The following RBFOX1 variants were observed in gnomAD, a reference collection of about 807,000 sequenced individuals.
The protein encoded by RBFOX1 is RNA binding fox-1 homolog 1.
Under a neutral mutation model 57.7 loss-of-function variants are expected in RBFOX1, and 8 were observed. The ratio of observed to expected loss-of-function variants is 0.14; its 90% confidence interval spans 0.08 to 0.25. RBFOX1 has a LOEUF of 0.25. RBFOX1 is among the 10% of genes least tolerant of loss of function. The pLI is 1.00. For synonymous variants in RBFOX1, 326 were observed against 222.4 expected, an observed-to-expected ratio of 1.47 and a Z score of -4.15; for missense variants, 611 against 548.5, an observed-to-expected ratio of 1.11 and a Z score of -1.14.
chr16:7,517,144 T>C (rs2076535660), intron 4 of RBFOX1, among the ~76,000 whole-genome samples: 1 of 46,466 alleles, frequency 2.2e-5, no homozygotes, highest in Non-Finnish European at 4.5e-5. Flanking sequence ...ATGCCGTGTG[T>C]GTGTGTGTGT....
intron 1 of RBFOX1, among the ~76,000 whole-genome samples, chr16:6,045,668 A>G (rs372160496): frequency 8.5e-5 from 13 of 152,196 alleles, no homozygotes; most frequent in African/African-American, 2.9e-4. Context: ...AAATAGATTA[A>G]CTCAACTAAA....
chr16:7,463,556 T>C (rs1043129967), intron 4 of RBFOX1, among the ~76,000 whole-genome samples: 2 of 152,194 alleles, frequency 1.3e-5, no homozygotes, highest in Non-Finnish European at 2.9e-5. Flanking sequence ...ACCCTTATGA[T>C]GTAATCACCT....
intron 3 of RBFOX1, among the ~76,000 whole-genome samples, chr16:5,762,070 T>C (rs1336105303): frequency 6.6e-6 from 1 of 152,136 alleles, no homozygotes; most frequent in Non-Finnish European, 1.5e-5. Flanking sequence ...GAAATAAAAA[T>C]GGATCTATTG....
chr16:7,444,567 G>A (rs543855914), intron 4 of RBFOX1, among the ~76,000 whole-genome samples: 1 of 151,950 alleles, frequency 6.6e-6, no homozygotes, highest in African/African-American at 2.4e-5. Flanking sequence ...GGGTTTTGCT[G>A]TGTCTCCCAA....
At chr16:5,722,743 G>C (rs1026259054) in intron 3 of RBFOX1, among the ~76,000 whole-genome samples, 1 of 152,152 alleles carries the variant, frequency 6.6e-6, no homozygotes, top group African/African-American at 2.4e-5. Flanking sequence ...TTCTATGCTT[G>C]TAATATTCCC....
At chr16:6,235,236 T>A (rs887485988) in intron 1 of RBFOX1, among the ~76,000 whole-genome samples, 2 of 152,120 alleles carry the variant, frequency 1.3e-5, no homozygotes, top group Non-Finnish European at 2.9e-5. Flanking sequence ...TTCTTCCATG[T>A]GGTCATTCAC....
At chr16:6,826,753 T>C (rs1195330602) in intron 3 of RBFOX1, among the ~76,000 whole-genome samples, 2 of 152,196 alleles carry the variant, frequency 1.3e-5, no homozygotes, top group African/African-American at 2.4e-5. Flanking sequence ...AATTATCATA[T>C]TGACTCTGAA....
chr16:7,217,709 A>C (rs896194003), intron 4 of RBFOX1, among the ~76,000 whole-genome samples: 5 of 152,180 alleles, frequency 3.3e-5, no homozygotes, highest in African/African-American at 1.2e-4. Context: ...GTCACCATTC[A>C]ATTTCTTCTG....
At chr16:5,836,450 G>C (rs1174529872) in intron 3 of RBFOX1, among the ~76,000 whole-genome samples, 1 of 152,258 alleles carries the variant, frequency 6.6e-6, no homozygotes, top group Non-Finnish European at 1.5e-5. Flanking sequence ...TGCTCCCCCT[G>C]TTCTGCTCCC....
intron 1 of RBFOX1, among the ~76,000 whole-genome samples, chr16:6,031,163 C>T (rs891984763): frequency 5.3e-5 from 8 of 152,278 alleles, no homozygotes; most frequent in Middle Eastern, 3.4e-3. Flanking sequence ...ATTTAAGCTA[C>T]GGCCTGAAGA....
intron 3 of RBFOX1, among the ~76,000 whole-genome samples, chr16:5,846,073 T>C (rs1474773402): frequency 6.6e-6 from 1 of 151,780 alleles, no homozygotes; most frequent in South Asian, 2.1e-4. Flanking sequence ...TCCTAACTAC[T>C]TGGGAGGCTG....
intron 1 of RBFOX1, among the ~76,000 whole-genome samples, chr16:5,339,740 G>C (rs1041520229): frequency 1.8e-4 from 28 of 151,992 alleles, no homozygotes; most frequent in African/African-American, 6.3e-4. Flanking sequence ...CAAGTCCTCA[G>C]AGCAAAGTGG....
intron 4 of RBFOX1, among the ~76,000 whole-genome samples, chr16:7,394,870 C>T (rs949707556): frequency 6.6e-6 from 1 of 152,216 alleles, no homozygotes; most frequent in African/African-American, 2.4e-5. Context: ...ACGATCCTCT[C>T]TTCCCACCCT....
chr16:6,548,274 A>C (rs1325234387), intron 2 of RBFOX1, among the ~76,000 whole-genome samples: 1 of 152,220 alleles, frequency 6.6e-6, no homozygotes, highest in African/African-American at 2.4e-5. Context: ...AAAAAGCTAT[A>C]GTGTCCGAGA....
At chr16:6,556,688 T>C (rs998957152) in intron 2 of RBFOX1, among the ~76,000 whole-genome samples, 3 of 152,200 alleles carry the variant, frequency 2.0e-5, no homozygotes, top group Admixed American at 2.0e-4. Flanking sequence ...AATCACATGA[T>C]ATAGAGAATT....
At chr16:5,660,889 G>T (rs146981187) in intron 3 of RBFOX1, among the ~76,000 whole-genome samples, 1 of 152,160 alleles carries the variant, frequency 6.6e-6, no homozygotes, top group Non-Finnish European at 1.5e-5. Context: ...TAGCTGCTGC[G>T]TGTGCAAATT....
At chr16:6,265,896 A>G (rs1224536849) in intron 1 of RBFOX1, among the ~76,000 whole-genome samples, 1 of 152,120 alleles carries the variant, frequency 6.6e-6, no homozygotes, top group African/African-American at 2.4e-5. Flanking sequence ...CTGTCTTCCT[A>G]GAAGAGTCAT....
At chr16:7,583,591 C>A (rs995554717) in intron 6 of RBFOX1, among the ~76,000 whole-genome samples, 1 of 152,162 alleles carries the variant, frequency 6.6e-6, no homozygotes, top group Non-Finnish European at 1.5e-5. Context: ...GATGCCTTCA[C>A]GGAATTGTCA....
At chr16:5,951,080 G>A (rs919480199) in intron 4 of RBFOX1, among the ~76,000 whole-genome samples, 2 of 152,126 alleles carry the variant, frequency 1.3e-5, no homozygotes, top group African/African-American at 4.8e-5. Flanking sequence ...CAGAGGTGGC[G>A]ATTTGGGGGC....
Sources: allele counts gnomAD v4.1 joint callset (sites outside exome capture counted in the v4.1 genomes callset), GRCh38; gene constraint gnomAD v4.1.1; transcripts MANE v1.5; gene names NCBI Gene and HGNC (gene_info 2026-07-23, HGNC 2026-07-21).